OXR1: variants seen among roughly 807,000 people sequenced by gnomAD.
The protein encoded by OXR1 is oxidation resistance protein 1.
OXR1 carries 41 observed loss-of-function variants against 104.6 expected under a neutral mutation model. That is an observed-to-expected ratio of 0.39 (90% CI 0.31 to 0.51). OXR1 has a LOEUF of 0.51. Among genes scored for constraint, OXR1 ranks in the 20% least tolerant of loss-of-function variants. The pLI is 0.77. For synonymous variants in OXR1, 348 were observed against 348.4 expected (o/e 1.00, Z 0.01); for missense variants, 955 against 1,031.9 (o/e 0.93, Z 1.02).
chr8:106,739,499 A>G lies in OXR1; in HGVS notation c.2079A>G (p.Thr693=). ...ACATAAATTCAAAGCAGGTTGCTAC[A>G]GTGAAAGCAGACCTGGAGTCTGAAT... ...REDINSKQVA[T]VKADLESESF... The change falls in exon 13 of 17, where the codon ACA becomes ACG. Residue 693 remains threonine (T), a synonymous_variant. Coordinates refer to ENST00000517566, the MANE Select transcript of OXR1 (RefSeq NM_001198533.2). 6.2e-7 allele frequency: 1 copy of G among 1,612,562 alleles called. No individual in the cohort carries two copies. The highest frequency in any genetic ancestry group is 1.1e-5 in the South Asian group (1 of 91,058).
In OXR1 at chr8:106,276,151, A is replaced by G. The variant is rs546130102; in HGVS notation, c.-139+5784A>G. On this transcript the variant is annotated intron_variant, in intron 1 of 16. Coordinates refer to ENST00000517566, the MANE Select transcript of OXR1 (RefSeq NM_001198533.2). ...AGAATTGTCTCTATCCTCCTAAAGA[A>G]GGTGAAAGAGACATGCTGTTTGTCA... 5.3e-5 allele frequency among the ~76,000 whole-genome samples: 8 copies of G among 152,326 alleles called. No individual in the cohort carries two copies. In the South Asian group the frequency reaches 1.4e-3, roughly 28 times the overall value.
At chr8:106,309,024 G>A (rs543667210) in intron 1 of OXR1, among the ~76,000 whole-genome samples, 35 of 151,802 alleles carry the variant, frequency 2.3e-4, no homozygotes, top group Admixed American at 3.9e-4. Context: ...TGTCATACAG[G>A]CTGGGCTGCA....
intron 3 of OXR1, among the ~76,000 whole-genome samples, chr8:106,548,547 A>G (rs1436967936): frequency 6.6e-6 from 1 of 152,254 alleles, no homozygotes; most frequent in African/African-American, 2.4e-5. Context: ...AAAAAGCTCA[A>G]AAAGAAACAT....
intron 3 of OXR1, among the ~76,000 whole-genome samples, chr8:106,628,400 C>G (rs542945795): frequency 6.6e-6 from 1 of 152,160 alleles, no homozygotes; most frequent in East Asian, 1.9e-4. Context: ...TTTATAAACT[C>G]CATTTTATAA....
chr8:106,464,142 A>C (rs1821056623), intron 2 of OXR1, among the ~76,000 whole-genome samples: 1 of 152,098 alleles, frequency 6.6e-6, no homozygotes, highest in Non-Finnish European at 1.5e-5. Flanking sequence ...ATTGTAGCCT[A>C]GTGACCTGAA....
At chr8:106,643,052 C>G (rs1823790902) in intron 3 of OXR1, among the ~76,000 whole-genome samples, 1 of 152,116 alleles carries the variant, frequency 6.6e-6, no homozygotes, top group African/African-American at 2.4e-5. Flanking sequence ...TTTCTCATGT[C>G]TCATTAAATA....
At chr8:106,386,893 T>C (rs867142528) in intron 2 of OXR1, among the ~76,000 whole-genome samples, 3 of 152,312 alleles carry the variant, frequency 2.0e-5, no homozygotes, top group Middle Eastern at 6.8e-3. Context: ...AGCAGACTTT[T>C]AAAAAAGGCT....
At chr8:106,350,790 T>C (rs1177345061) in intron 1 of OXR1, among the ~76,000 whole-genome samples, 3 of 152,224 alleles carry the variant, frequency 2.0e-5, no homozygotes, top group African/African-American at 4.8e-5. Flanking sequence ...GAGAGACACA[T>C]ATCTGTGTTC....
At chr8:106,453,153 A>G (rs1347923364) in intron 2 of OXR1, among the ~76,000 whole-genome samples, 1 of 152,094 alleles carries the variant, frequency 6.6e-6, no homozygotes, top group East Asian at 1.9e-4. Context: ...GATCTTTTCC[A>G]TCTCCAGTGG....
chr8:106,423,943 T>C (rs1419803875), intron 2 of OXR1, among the ~76,000 whole-genome samples: 1 of 152,154 alleles, frequency 6.6e-6, no homozygotes, highest in Non-Finnish European at 1.5e-5. Flanking sequence ...TTTTGTTTGT[T>C]TTTGTTTTTT....
Position 106,359,565 on chromosome 8 carries a change from T to C in OXR1, c.-49T>C. 1 of 1,498,314 alleles carries C rather than the reference T, an allele frequency of 6.7e-7. No homozygotes were observed. Among genetic ancestry groups the C allele is most frequent in the Non-Finnish European group, 9.1e-7 (1 of 1,098,206 alleles). 92.8% of individuals were successfully genotyped at this position (1,498,314 alleles called of 1,614,324 possible). A position where few individuals can be genotyped will look rare whatever the true frequency, so the allele number is the denominator to read the frequency against. On this transcript the variant is annotated 5_prime_UTR_variant, in exon 2 of 17. Coordinates refer to ENST00000517566, the MANE Select transcript of OXR1 (RefSeq NM_001198533.2). ...TAGCGGTGTTGTCGACTTGACCTGC[T>C]AATTTCCTGTTCTGGAATCGAGAGA...
chr8:106,363,968 T>C (rs1816359212), intron 2 of OXR1, among the ~76,000 whole-genome samples: 1 of 152,072 alleles, frequency 6.6e-6, no homozygotes, highest in South Asian at 2.1e-4. Flanking sequence ...AAAGGGTCCA[T>C]TATGTATGCT....
intron 11 of OXR1, among the ~76,000 whole-genome samples, chr8:106,733,883 C>T (rs928292607): frequency 6.6e-6 from 1 of 151,574 alleles, no homozygotes; most frequent in African/African-American, 2.4e-5. Flanking sequence ...GCTCCCTCCC[C>T]TCTTCCTTCC....
intron 2 of OXR1, among the ~76,000 whole-genome samples, chr8:106,482,818 G>A: frequency 6.6e-6 from 1 of 151,748 alleles, no homozygotes; most frequent in African/African-American, 2.4e-5. Flanking sequence ...TTTCAAATGA[G>A]CAGTGGTTTT....
intron 1 of OXR1, among the ~76,000 whole-genome samples, chr8:106,340,834 A>G (rs1341959344): frequency 6.6e-6 from 1 of 151,316 alleles, no homozygotes; most frequent in Non-Finnish European, 1.5e-5. Flanking sequence ...TATCTACTAT[A>G]ATTTTAGGAA....
At chr8:106,306,490 A>C (rs982704701) in intron 1 of OXR1, among the ~76,000 whole-genome samples, 1 of 151,724 alleles carries the variant, frequency 6.6e-6, no homozygotes, top group African/African-American at 2.4e-5. Flanking sequence ...CATGATGTTC[A>C]CAGCAGTTTT....
At chr8:106,401,298 T>C (rs1230090425) in intron 2 of OXR1, among the ~76,000 whole-genome samples, 2 of 152,152 alleles carry the variant, frequency 1.3e-5, no homozygotes, top group Non-Finnish European at 2.9e-5. Context: ...CCCTTTCAGG[T>C]GGTACTGGCA....
At chr8:106,333,795 T>C (rs1390088266) in intron 1 of OXR1, among the ~76,000 whole-genome samples, 1 of 152,132 alleles carries the variant, frequency 6.6e-6, no homozygotes, top group African/African-American at 2.4e-5. Context: ...GTTTCTGGAC[T>C]CTCCATTATA....
chr8:106,509,802 C>T (rs567457110), intron 2 of OXR1, among the ~76,000 whole-genome samples: 1 of 152,298 alleles, frequency 6.6e-6, no homozygotes, highest in Non-Finnish European at 1.5e-5. Context: ...ATCAGAGTCT[C>T]GCTCTGTCGC....
Sources: gnomAD v4.1 joint callset for allele counts (sites outside exome capture counted in the v4.1 genomes callset) on GRCh38, gnomAD v4.1.1 for gene constraint, MANE v1.5 for transcripts, NCBI Gene and HGNC (gene_info 2026-07-23, HGNC 2026-07-21) for gene names.